Variants in GABBR2 observed in about 807,000 individuals in gnomAD.
GABBR2 encodes G-protein coupled receptor 51.
A neutral mutation model predicts 105.6 loss-of-function variants in GABBR2; 23 were observed. The observed-to-expected ratio is 0.22, with a 90% CI of 0.16 to 0.31. The LOEUF (loss-of-function observed/expected upper bound fraction) is 0.31. Among genes scored for constraint, GABBR2 ranks in the 10% least tolerant of loss-of-function variants. The probability of loss-of-function intolerance (pLI) is 1.00; values close to 1 mark genes in which losing one functional copy is unlikely to be tolerated. For missense variants in GABBR2, 734 were observed against 1,245.5 expected (o/e 0.59, Z 6.18); for synonymous variants, 478 against 499.7 (o/e 0.96, Z 0.58).
intron 7 of GABBR2, among the ~76,000 whole-genome samples, chr9:98,420,240 G>T (rs1832759080): frequency 6.6e-6 from 1 of 152,156 alleles, no homozygotes; most frequent in African/African-American, 2.4e-5. Flanking sequence ...CAAGTCCTCG[G>T]TGAGCTCCAG....
rs189944157 is a variant in GABBR2 at position 98,376,344 on chromosome 9, C to T, written c.1663-4773G>A. On this transcript the variant is annotated intron_variant, in intron 11 of 18. Transcript: ENST00000259455. ...GATGACGCATGGGACTGCTGTGCTC[C>T]GGGTCTCCTTGTTGCCACAGATTCA... is the stretch of plus-strand genomic sequence containing the variant. 2.5e-3 allele frequency among the ~76,000 whole-genome samples: 376 copies of T among 152,272 alleles called. 2 individuals carry two copies. Among genetic ancestry groups the T allele is most frequent in the African/African-American group, 8.2e-3 (342 of 41,550 alleles).
At position 98,303,316 on chromosome 9, in the gene GABBR2, A is replaced by C; in HGVS notation, c.2337T>G (p.Ser779Arg). Residue 779 changes from serine (S) to arginine (R), a missense_variant, in exon 16 of 19, where the codon AGT becomes AGG. By Grantham distance (110) the Ser-to-Arg change is moderately radical. Transcript: ENST00000259455. Reference sequence around the variant, plus strand: ...GGCGGGATGTGCTGGCTTGGTTCACACTGGTGACCGAGGTGGACGTTTTAG... The same window carrying C: ...GGCGGGATGTGCTGGCTTGGTTCACCCTGGTGACCGAGGTGGACGTTTTAG... ...EDSKTSTSVTSVNQASTSRLE... is the reference protein window; with the variant it reads ...EDSKTSTSVTRVNQASTSRLE... The C allele has an allele frequency of 1.9e-6, 3 of 1,614,158 alleles. No homozygotes were observed. Among genetic ancestry groups the C allele is most frequent in the Non-Finnish European group, 2.5e-6 (3 of 1,180,006 alleles).
chr9:98,701,111 T>C (rs1830824788), intron 1 of GABBR2, among the ~76,000 whole-genome samples: 1 of 152,208 alleles, frequency 6.6e-6, no homozygotes, highest in Admixed American at 6.5e-5. Context: ...GCTTGCTAAT[T>C]TCCCTGCTGA....
At chr9:98,491,857 C>T (rs1400153358) in intron 4 of GABBR2, among the ~76,000 whole-genome samples, 1 of 152,146 alleles carries the variant, frequency 6.6e-6, no homozygotes, top group Non-Finnish European at 1.5e-5. Flanking sequence ...GCTTTCCTTC[C>T]ATGGGTTCCA....
At chr9:98,640,173 A>G (rs1829940832) in intron 1 of GABBR2, among the ~76,000 whole-genome samples, 1 of 150,700 alleles carries the variant, frequency 6.6e-6, no homozygotes, top group African/African-American at 2.4e-5. Context: ...TTTTCTCAAA[A>G]CAGCTGAAAG....
intron 3 of GABBR2, among the ~76,000 whole-genome samples, chr9:98,505,387 G>A (rs899065179): frequency 1.3e-5 from 2 of 151,862 alleles, no homozygotes; most frequent in African/African-American, 4.8e-5. Context: ...AGCTGTACTT[G>A]GGGAATGCCT....
chr9:98,487,870 G>A (rs1379235063), intron 4 of GABBR2, among the ~76,000 whole-genome samples: 1 of 152,168 alleles, frequency 6.6e-6, no homozygotes. Flanking sequence ...TCACATTCCA[G>A]ATGGAATTAA....
intron 3 of GABBR2, among the ~76,000 whole-genome samples, chr9:98,505,080 C>CA (rs1221799451): frequency 6.6e-6 from 1 of 152,150 alleles, no homozygotes; most frequent in Non-Finnish European, 1.5e-5. Context: ...GGCCCAATGC[C>CA]AAAAAACCCC....
rs182011666 is a variant in GABBR2, at chr9:98,652,840, C to T, written c.321+55577G>A. 1.8e-3 allele frequency among the ~76,000 whole-genome samples: 279 copies of T among 152,366 alleles called. 1 individual carries two copies. The highest frequency in any genetic ancestry group is 6.4e-3 in the African/African-American group (265 of 41,584). On this transcript the variant is annotated intron_variant, in intron 1 of 18. Coordinates refer to ENST00000259455, the MANE Select transcript of GABBR2 (RefSeq NM_005458.8). ...ACAACCAGGCTCTGCAGTCAATCCC[C>T]ATGCCCAGGAGCAGTGGTTCTCAAC... is the stretch of plus-strand genomic sequence containing the variant.
intron 2 of GABBR2, among the ~76,000 whole-genome samples, chr9:98,560,390 C>G (rs771659354): frequency 2.0e-5 from 3 of 150,342 alleles, no homozygotes; most frequent in Admixed American, 6.7e-5. Context: ...CGTGCGTGTG[C>G]GCATACACAC....
At chr9:98,624,558 G>A (rs1408361233) in intron 1 of GABBR2, among the ~76,000 whole-genome samples, 1 of 152,180 alleles carries the variant, frequency 6.6e-6, no homozygotes, top group Admixed American at 6.5e-5. Flanking sequence ...TAGGGTAGGA[G>A]GGAGAGTAGG....
At chr9:98,440,269 C>G (rs1053791103) in intron 7 of GABBR2, among the ~76,000 whole-genome samples, 5 of 152,208 alleles carry the variant, frequency 3.3e-5, no homozygotes, top group Admixed American at 2.6e-4. Flanking sequence ...TCTGACAAAC[C>G]TTCTGCAAAG....
intron 6 of GABBR2, among the ~76,000 whole-genome samples, chr9:98,470,186 C>A (rs1826642180): frequency 6.6e-6 from 1 of 152,180 alleles, no homozygotes; most frequent in East Asian, 1.9e-4. Flanking sequence ...GAATAAAGCA[C>A]TACTTTCAGG....
intron 13 of GABBR2, among the ~76,000 whole-genome samples, chr9:98,320,285 C>T (rs1830796659): frequency 6.6e-6 from 1 of 151,810 alleles, no homozygotes; most frequent in Non-Finnish European, 1.5e-5. Context: ...GAGATACCAT[C>T]TCACACCAGT....
chr9:98,345,046 G>A (rs1831280118), intron 13 of GABBR2, among the ~76,000 whole-genome samples: 1 of 151,980 alleles, frequency 6.6e-6, no homozygotes, highest in Non-Finnish European at 1.5e-5. Flanking sequence ...GCAGAAATCT[G>A]AGCATTGCCC....
chr9:98,422,817 T>G, intron 7 of GABBR2, among the ~76,000 whole-genome samples: 1 of 145,108 alleles, frequency 6.9e-6, no homozygotes, highest in Non-Finnish European at 1.5e-5. Flanking sequence ...TGTGTCCATG[T>G]GTTCTCACTG....
chr9:98,696,090 G>T (rs1016154114), intron 1 of GABBR2, among the ~76,000 whole-genome samples: 1 of 152,216 alleles, frequency 6.6e-6, no homozygotes, highest in Non-Finnish European at 1.5e-5. Context: ...AAGTTAACTT[G>T]CGGCTGTGAT....
intron 6 of GABBR2, among the ~76,000 whole-genome samples, chr9:98,460,171 T>G (rs144833804): frequency 6.6e-6 from 1 of 152,166 alleles, no homozygotes; most frequent in East Asian, 1.9e-4. Flanking sequence ...TTGGGAAGGC[T>G]GAGGTGGGCA....
At chr9:98,509,491 G>A (rs1001182365) in intron 3 of GABBR2, among the ~76,000 whole-genome samples, 4 of 152,092 alleles carry the variant, frequency 2.6e-5, no homozygotes, top group Non-Finnish European at 5.9e-5. Context: ...GAGGAAATTC[G>A]AACCAATGGC....
Sources: gnomAD v4.1 joint callset for allele counts (sites outside exome capture counted in the v4.1 genomes callset) on GRCh38, gnomAD v4.1.1 for gene constraint, MANE v1.5 for transcripts, NCBI Gene and HGNC (gene_info 2026-07-23, HGNC 2026-07-21) for gene names.